The following VDAC2 variants were observed in gnomAD, a reference collection of about 807,000 sequenced individuals.
VDAC2 encodes non-selective voltage-gated ion channel VDAC2.
VDAC2 carries 6 observed loss-of-function variants against 36.6 expected under a neutral mutation model. That is an observed-to-expected ratio of 0.16 (90% CI 0.09 to 0.32). The LOEUF (loss-of-function observed/expected upper bound fraction) is 0.32, where lower values mean the gene tolerates loss of function less well. VDAC2 is among the 10% of genes least tolerant of loss of function. The probability of loss-of-function intolerance (pLI) is 1.00; values close to 1 mark genes in which losing one functional copy is unlikely to be tolerated. For missense variants in VDAC2, 247 were observed against 346.0 expected (o/e 0.71, Z 2.27); for synonymous variants, 109 against 123.8 (o/e 0.88, Z 0.79).
In VDAC2 at chr10:75,219,149, T is replaced by G. The variant is rs1225184008; in HGVS notation, c.237T>G (p.Gly79=). 6.2e-7 allele frequency: 1 copy of G among 1,613,202 alleles called. No homozygotes were observed. Among genetic ancestry groups the G allele is most frequent in the Non-Finnish European group, 8.5e-7 (1 of 1,179,534 alleles). The stretch of plus-strand genomic sequence containing the variant: ...CCAAATACAAGTGGTGTGAGTATGG[T>G]CTGACTTTCACAGAAAAGTGGAACA... ...LETKYKWCEY[G]LTFTEKWNTD... Residue 79 remains glycine, a synonymous_variant, in exon 5 of 10, where the codon GGT becomes GGG. Transcript: ENST00000332211.
chr10:75,221,910 AGG>A (rs2132270849), intron 7 of VDAC2, among the ~76,000 whole-genome samples: 1 of 152,380 alleles, frequency 6.6e-6, no homozygotes, highest in East Asian at 1.9e-4. Flanking sequence ...CATGCCAGCT[AGG>A]TATATAATCT....
At chr10:75,211,288 G>C in intron 2 of VDAC2, 99 bp downstream of exon 2, 1 of 1,520,690 alleles carries the variant, frequency 6.6e-7, no homozygotes, top group Non-Finnish European at 8.9e-7. Flanking sequence ...CAAGAACTTG[G>C]AAATTCGGCT....
intron 9 of VDAC2, among the ~76,000 whole-genome samples, chr10:75,230,552 A>T (rs760828937): frequency 1.3e-5 from 2 of 152,088 alleles, no homozygotes; most frequent in South Asian, 4.2e-4. Flanking sequence ...CCGTTCCCAA[A>T]TGTGTCTTTA....
chr10:75,221,056 C>T, intron 7 of VDAC2, 86 bp downstream of exon 7: 1 of 1,343,226 alleles, frequency 7.4e-7, no homozygotes, highest in Non-Finnish European at 1.0e-6. Flanking sequence ...TGGGTGCACC[C>T]TAAAGGATTT....
In VDAC2 at chr10:75,230,992, C is replaced by T; in HGVS notation, c.*3C>T. 1 of 1,608,064 alleles carries T rather than the reference C, an allele frequency of 6.2e-7. No individual in the cohort carries two copies. The highest frequency in any genetic ancestry group is 1.1e-5 in the South Asian group (1 of 90,482). ...TCGCCCTGGAGTTGGAGGCTTAATC[C>T]AGCTGAAAGAAACCTTTGGGAATGG... is the stretch of plus-strand genomic sequence containing the variant. On this transcript the variant is annotated 3_prime_UTR_variant, in exon 10 of 10. Coordinates refer to ENST00000332211, the MANE Select transcript of VDAC2 (RefSeq NM_001391963.1).
intron 4 of VDAC2, among the ~76,000 whole-genome samples, chr10:75,216,307 G>T (rs1298881887): frequency 6.6e-6 from 1 of 152,172 alleles, no homozygotes; most frequent in Non-Finnish European, 1.5e-5. Flanking sequence ...GAGTACTGAG[G>T]TAATTAATAT....
chr10:75,227,576 A>ATTTTTTTTTTT (rs1841989654), intron 8 of VDAC2, among the ~76,000 whole-genome samples: 1 of 90,770 alleles, frequency 1.1e-5, no homozygotes, highest in African/African-American at 5.4e-5. Flanking sequence ...AAATAATAGG[A>ATTTTTTTTTTT]ATTTTTTTTT....
At chr10:75,218,772 AAG>A (rs1841693710) in intron 4 of VDAC2, among the ~76,000 whole-genome samples, 1 of 152,110 alleles carries the variant, frequency 6.6e-6, no homozygotes, top group African/African-American at 2.4e-5. Context: ...AAAAAAAAAA[AAG>A]GTGTACAGTT....
At chr10:75,212,123 A>C in intron 2 of VDAC2, 107 bp from the exon 3 acceptor site, 1 of 1,007,130 alleles carries the variant, frequency 9.9e-7, no homozygotes, top group South Asian at 1.4e-5. Context: ...ACATTCCAAC[A>C]AATGGGATTG....
At position 75,229,699 on chromosome 10, in the gene VDAC2, C is replaced by G; in HGVS notation, c.791C>G (p.Pro264Arg). The change falls in exon 9 of 10, where the codon CCT (proline) becomes CGT (arginine). Residue 264 changes from proline (P) to arginine (R), a missense_variant and splice_region_variant. By Grantham distance (103) the Pro-to-Arg change is moderately radical (BLOSUM62 -2). Coordinates refer to ENST00000332211, the MANE Select transcript of VDAC2 (RefSeq NM_001391963.1). ...IGVGYTQTLR[P>R]GVKLTLSALV... The stretch of plus-strand genomic sequence containing the variant: ...GTAGGCTATACTCAGACTCTGAGGC[C>G]TGGTAAGTATTCTTGATAAAGTAGG... The G allele has an allele frequency of 6.3e-7, 1 of 1,598,484 alleles. No individual in the cohort carries two copies. The highest frequency in any genetic ancestry group is 8.5e-7 in the Non-Finnish European group (1 of 1,175,178).
chr10:75,217,764 T>C (rs1380482052), intron 4 of VDAC2: 2 of 453,796 alleles, frequency 4.4e-6, no homozygotes, highest in East Asian at 7.6e-5. Flanking sequence ...AGGAGAGTGA[T>C]GTAAGACCTA....
chr10:75,229,731 T>G (rs930943254), intron 9 of VDAC2, 30 bp downstream of exon 9: 6 of 1,541,270 alleles, frequency 3.9e-6, no homozygotes, highest in Non-Finnish European at 5.2e-6. Context: ...TAGGATTGTT[T>G]TGATAGTATT....
chr10:75,221,095 T>A, intron 7 of VDAC2, 125 bp downstream of exon 7: 1 of 1,062,926 alleles, frequency 9.4e-7, no homozygotes, highest in East Asian at 2.6e-5. Context: ...AAAATCATTC[T>A]TGGTCATTTC....
intron 4 of VDAC2, among the ~76,000 whole-genome samples, chr10:75,215,323 A>G (rs1370727144): frequency 6.6e-6 from 1 of 151,568 alleles, no homozygotes; most frequent in Non-Finnish European, 1.5e-5. Context: ...ATTTTGATAT[A>G]TGTATGTATG....
At chr10:75,213,603 G>A (rs906713203) in intron 3 of VDAC2, among the ~76,000 whole-genome samples, 2 of 152,120 alleles carry the variant, frequency 1.3e-5, no homozygotes, top group African/African-American at 4.8e-5. Context: ...AATTAGCCAG[G>A]CGTGGTGGCA....
At chr10:75,220,707 A>T (rs745848863) in intron 6 of VDAC2, 36 bp from the exon 7 acceptor site, 2 of 1,574,860 alleles carry the variant, frequency 1.3e-6, no homozygotes, top group Non-Finnish European at 1.7e-6. Context: ...GTGTGTGTAA[A>T]TTTTTCCCAA....
At chr10:75,220,994 C>CT (rs1372786156) in intron 7 of VDAC2, 24 bp downstream of exon 7, 25 of 1,597,662 alleles carry the variant, frequency 1.6e-5, no homozygotes, top group Non-Finnish European at 2.1e-5. Context: ...TCATAGGATA[C>CT]TGTGATGTGG....
intron 3 of VDAC2, 26 bp from the exon 4 acceptor site, chr10:75,213,995 T>C: frequency 1.2e-6 from 2 of 1,611,614 alleles, no homozygotes; most frequent in Non-Finnish European, 1.7e-6. Context: ...AATCATTTTG[T>C]TTCTTTTGCT....
chr10:75,214,217 T>C (rs984561536), intron 4 of VDAC2, 147 bp downstream of exon 4: 1 of 784,412 alleles, frequency 1.3e-6, no homozygotes, highest in Non-Finnish European at 2.0e-6. Context: ...GTAACCTGAT[T>C]TATTTTGGCC....
Sources: allele counts gnomAD v4.1 joint callset (sites outside exome capture counted in the v4.1 genomes callset), GRCh38; gene constraint gnomAD v4.1.1; transcripts MANE v1.5; gene names NCBI Gene and HGNC (gene_info 2026-07-23, HGNC 2026-07-21).